The following AFF1 variants were observed in gnomAD, a reference collection of about 807,000 sequenced individuals.
AFF1 encodes the protein ALF transcription elongation factor 1.
AFF1 carries 48 observed loss-of-function variants against 121.7 expected under a neutral mutation model. The observed-to-expected ratio is 0.39, with a 90% CI of 0.31 to 0.50. The LOEUF is 0.50. Among genes scored for constraint, AFF1 ranks in the 20% least tolerant of loss-of-function variants. AFF1 has a pLI of 0.76. For missense variants in AFF1, 1,523 were observed against 1,511.7 expected (o/e 1.01, Z -0.12); for synonymous variants, 613 against 563.0 (o/e 1.09, Z -1.26).
At chr4:86,988,580 T>A (rs908368983) in intron 2 of AFF1, among the ~76,000 whole-genome samples, 3 of 152,164 alleles carry the variant, frequency 2.0e-5, no homozygotes, top group African/African-American at 7.2e-5. Context: ...TGCTCATGGA[T>A]AGGAAGAATC....
intron 4 of AFF1, among the ~76,000 whole-genome samples, chr4:87,051,634 G>T (rs1417142625): frequency 6.6e-6 from 1 of 151,658 alleles, no homozygotes; most frequent in Non-Finnish European, 1.5e-5. Flanking sequence ...CTAATTTTTT[G>T]TGTATATATT....
chr4:87,058,285 A>C (rs1419761826), intron 4 of AFF1, among the ~76,000 whole-genome samples: 1 of 152,084 alleles, frequency 6.6e-6, no homozygotes, highest in African/African-American at 2.4e-5. Flanking sequence ...GCTTATGTAC[A>C]CTTTTATTTA....
intron 2 of AFF1, among the ~76,000 whole-genome samples, chr4:87,022,985 A>G (rs1010443996): frequency 8.6e-5 from 13 of 152,002 alleles, no homozygotes; most frequent in African/African-American, 3.1e-4. Context: ...TTACCGCAGC[A>G]TTAGACTCCT....
At chr4:87,043,963 C>T (rs7659244) in intron 2 of AFF1, among the ~76,000 whole-genome samples, 5,979 of 152,160 alleles carry the variant, frequency 0.039, 201 homozygotes, top group African/African-American at 0.094. Context: ...GCACTACAGG[C>T]GCCTGCGACC....
At chr4:86,991,168 G>A (rs956187240) in intron 2 of AFF1, among the ~76,000 whole-genome samples, 8 of 148,444 alleles carry the variant, frequency 5.4e-5, no homozygotes, top group African/African-American at 2.0e-4. Flanking sequence ...AAAAAAAACC[G>A]GCGCAGTGGC....
intron 1 of AFF1, chr4:86,936,399 C>T (rs894425268): frequency 4.6e-5 from 7 of 152,216 alleles, no homozygotes; most frequent in African/African-American, 1.2e-4. Flanking sequence ...AGCACAGAAA[C>T]GTTAGGTAGG....
In AFF1 at chr4:87,140,583, A is replaced by G. The variant is rs1184211523; in HGVS notation, c.*4882A>G. 1 of 182,930 alleles carries G rather than the reference A, an allele frequency of 5.5e-6. No individual in the cohort carries two copies. The highest frequency in any genetic ancestry group is 2.4e-5 in the African/African-American group (1 of 42,468). The allele number at this position is 182,930 out of a possible 1,614,324, so 11.3% of individuals were successfully genotyped here. ...TAAAAAGGAGTAAATTTTCCAGTTG[A>G]TAAATGAAAATCACTGGCCTATGTT... On this transcript the variant is annotated 3_prime_UTR_variant, in exon 21 of 21. Coordinates refer to ENST00000395146, the MANE Select transcript of AFF1 (RefSeq NM_001166693.3).
intron 2 of AFF1, among the ~76,000 whole-genome samples, chr4:87,041,136 C>A (rs1730102973): frequency 1.3e-5 from 2 of 152,068 alleles, no homozygotes; most frequent in Admixed American, 1.3e-4. Context: ...CTTGGCCTCC[C>A]AAATTGCTGA....
Position 87,138,167 on chromosome 4 carries a change from ACTAATGGTAAC to A in AFF1, c.*2469_*2479del. 1 of 232,548 alleles carries A rather than the reference ACTAATGGTAAC, an allele frequency of 4.3e-6. No individual in the cohort carries two copies. Among genetic ancestry groups the A allele is most frequent in the Non-Finnish European group, 8.5e-6 (1 of 117,618 alleles). The allele number at this position is 232,548 out of a possible 1,614,324, so 14.4% of individuals were successfully genotyped here. ...ATTGCATTGTACCTAAAGGAGAGTA[ACTAATGGTAAC>A]CTTTTTAATAGAGTATGTGAAAGGT... On this transcript the variant is annotated 3_prime_UTR_variant, in exon 21 of 21. Coordinates refer to ENST00000395146, the MANE Select transcript of AFF1 (RefSeq NM_001166693.3).
chr4:87,046,247 A>G lies in AFF1; in HGVS notation c.120A>G (p.Ala40=), dbSNP rs7689167. The G allele has an allele frequency of 2.6e-3, 4,258 of 1,613,886 alleles. 97 individuals are homozygous for G. In the African/African-American group the frequency reaches 0.048, roughly 18 times the overall value. ...AGGAAGCCCACCAAGAGAAAGAGGC[A>G]TTTCCTGAAAAGATTCCCCTTTTTG... is the stretch of plus-strand genomic sequence containing the variant. The part of the protein sequence containing the change: ...RNQEAHQEKE[A]FPEKIPLFGE... The change falls in exon 3 of 21, where the codon GCA becomes GCG. Residue 40 remains alanine, a synonymous_variant. Coordinates refer to ENST00000395146, the MANE Select transcript of AFF1 (RefSeq NM_001166693.3).
intron 15 of AFF1, 28 bp from the exon 16 acceptor site, chr4:87,127,615 C>G: frequency 6.2e-7 from 1 of 1,613,714 alleles, no homozygotes. Flanking sequence ...GCTCATATGA[C>G]CTGTCCCTGG....
intron 11 of AFF1, among the ~76,000 whole-genome samples, chr4:87,111,651 G>C (rs369051936): frequency 6.6e-6 from 1 of 152,160 alleles, no homozygotes; most frequent in East Asian, 1.9e-4. Context: ...ACTGCGCCCA[G>C]CCTAAAAAAT....
intron 12 of AFF1, among the ~76,000 whole-genome samples, chr4:87,117,512 C>T (rs577362437): frequency 6.6e-6 from 1 of 152,240 alleles, no homozygotes; most frequent in Non-Finnish European, 1.5e-5. Context: ...TTAAAAATTC[C>T]TCTGGTAATC....
intron 2 of AFF1, among the ~76,000 whole-genome samples, chr4:87,005,011 T>C (rs1195862798): frequency 6.6e-6 from 1 of 152,170 alleles, no homozygotes; most frequent in Non-Finnish European, 1.5e-5. Flanking sequence ...CCATGCATGA[T>C]TTTGGTTTTT....
In AFF1 at chr4:87,114,777, C is replaced by T. The variant is rs1251907423; in HGVS notation, c.1944C>T (p.Asp648=). 1.9e-6 allele frequency: 3 copies of T among 1,613,130 alleles called. No homozygotes were observed. The highest frequency in any genetic ancestry group is 2.5e-6 in the Non-Finnish European group (3 of 1,179,728). The change falls in exon 12 of 21, where the codon GAC becomes GAT. Residue 648 remains aspartate, a synonymous_variant. Coordinates refer to ENST00000395146, the MANE Select transcript of AFF1 (RefSeq NM_001166693.3). ...GCTCCCGAGACCAGACTTCCAAAGA[C>T]AAGCCCAAGGTGAAGACGAAAGGAC... ...PYGSRDQTSK[D]KPKVKTKGRP...
At chr4:87,103,692 T>C (rs77828367) in intron 8 of AFF1, among the ~76,000 whole-genome samples, 3,002 of 152,314 alleles carry the variant, frequency 0.02, 110 homozygotes, top group African/African-American at 0.069. Context: ...TTCTCTAACT[T>C]TCTGACTTAC....
intron 4 of AFF1, 43 bp from the exon 5 acceptor site, chr4:87,084,077 A>C: frequency 6.3e-7 from 1 of 1,590,292 alleles, no homozygotes. Flanking sequence ...ATCACTCTTG[A>C]CTCTGGTTTG....
intron 16 of AFF1, among the ~76,000 whole-genome samples, chr4:87,130,881 C>T (rs996950050): frequency 6.6e-6 from 1 of 152,166 alleles, no homozygotes; most frequent in Non-Finnish European, 1.5e-5. Flanking sequence ...TTTCTTTTTC[C>T]TAATGAATTT....
At position 87,125,123 on chromosome 4, in the gene AFF1, C is replaced by A. The variant is rs201481403; in HGVS notation, c.2553C>A (p.His851Gln). ...AGTCATCTTCATCTTCATCCTCCCACAAAGAATCTTCTAAAACAAAGTGAG... is the reference window on the plus strand; with the variant it reads ...AGTCATCTTCATCTTCATCCTCCCAAAAAGAATCTTCTAAAACAAAGTGAG... Reference protein sequence around the residue: ...KSQSSSSSSSHKESSKTKPSR... With the variant: ...KSQSSSSSSSQKESSKTKPSR... The change falls in exon 13 of 21, where the codon CAC becomes CAA. Residue 851 changes from histidine to glutamine, a missense_variant. This residue lies in a region of AFF1 where 905 missense variants were observed against 842.5 expected (regional missense o/e 1.07). Transcript: ENST00000395146. 1 of 1,610,094 alleles carries A rather than the reference C, an allele frequency of 6.2e-7. No homozygotes were observed. Among genetic ancestry groups the A allele is most frequent in the East Asian group, 2.2e-5 (1 of 44,840 alleles).
Sources: gnomAD v4.1 joint callset for allele counts (sites outside exome capture counted in the v4.1 genomes callset) on GRCh38, gnomAD v4.1.1 for gene constraint, gnomAD v4.1.1 regional missense constraint, MANE v1.5 for transcripts, NCBI Gene and HGNC (gene_info 2026-07-23, HGNC 2026-07-21) for gene names.